Variants in TAS1R2 observed in about 807,000 individuals in gnomAD.
The protein encoded by TAS1R2 is taste receptor type 1 member 2.
TAS1R2 carries 47 observed loss-of-function variants against 49.3 expected under a neutral mutation model. The observed-to-expected ratio is 0.95, with a 90% confidence interval of 0.75 to 1.22. The LOEUF (loss-of-function observed/expected upper bound fraction) is 1.22, where lower values mean the gene tolerates loss of function less well. TAS1R2 is among the 50% of genes most tolerant of loss of function. The pLI is 0.00. For synonymous variants in TAS1R2, 479 were observed against 467.9 expected, an observed-to-expected ratio of 1.02 and a Z score of -0.31; for missense variants, 1,155 against 1,122.1, an observed-to-expected ratio of 1.03 and a Z score of -0.42.
intron 1 of TAS1R2, among the ~76,000 whole-genome samples, chr1:18,859,172 G>A (rs771725187): frequency 1.3e-5 from 2 of 152,198 alleles, no homozygotes; most frequent in Non-Finnish European, 2.9e-5. Context: ...GTGGGTGGGA[G>A]CAGTCTTGAT....
At chr1:18,843,888 C>T (rs1340430727) in intron 4 of TAS1R2, among the ~76,000 whole-genome samples, 1 of 152,210 alleles carries the variant, frequency 6.6e-6, no homozygotes, top group Admixed American at 6.5e-5. Context: ...GAAATGGTAT[C>T]CAAGAAGCGC....
chr1:18,859,472 G>C lies in TAS1R2; in HGVS notation c.182+7C>G. ...CTGCCACTTCCAGCCCCACACTGGA[G>C]ACTCACTCCTTGCACATGGGCACCT... On this transcript the variant is annotated splice_region_variant and intron_variant, in intron 1 of 5. Transcript: ENST00000375371. 6.2e-7 allele frequency: 1 copy of C among 1,613,978 alleles called. No homozygotes were observed. Among genetic ancestry groups the C allele is most frequent in the Non-Finnish European group, 8.5e-7 (1 of 1,179,882 alleles).
chr1:18,848,774 T>A (rs868206621), intron 4 of TAS1R2, among the ~76,000 whole-genome samples: 1 of 152,214 alleles, frequency 6.6e-6, no homozygotes, highest in African/African-American at 2.4e-5. Context: ...TAATGTCTGA[T>A]GATCTGTTAC....
chr1:18,840,601 G>A, intron 5 of TAS1R2, 74 bp from the exon 6 acceptor site: 1 of 1,529,866 alleles, frequency 6.5e-7, no homozygotes, highest in Non-Finnish European at 9.0e-7. Flanking sequence ...CCCTGCACAG[G>A]GCCAGGCTCC....
rs753512335 is a variant in TAS1R2, at chr1:18,854,573, G to T, written c.897C>A (p.Ile299=). The change falls in exon 3 of 6, where the codon ATC becomes ATA. Residue 299 remains isoleucine, a synonymous_variant. Transcript: ENST00000375371. This position sits in a 1 kb window ranked among gnomAD's most constrained non-coding sequence, Gnocchi z 4.9. ...GGTCGATGGCCCAGGACTCGGAGGC[G>T]ATCCACACGGCGCCAGTGAAGTTCT... 6.2e-6 allele frequency: 10 copies of T among 1,613,906 alleles called. No individual in the cohort carries two copies. The East Asian group carries it at 2.2e-4, about 36-fold the overall frequency.
exon 5 of TAS1R2, chr1:18,841,830 T>C: frequency 6.2e-7 from 1 of 1,612,218 alleles, no homozygotes; most frequent in Non-Finnish European, 8.5e-7. Flanking sequence ...CTGGCACCTC[T>C]TGGAACACAT....
chr1:18,859,619 G>A (rs750642439), exon 1 of TAS1R2: 15 of 1,614,130 alleles, frequency 9.3e-6, no homozygotes, highest in Non-Finnish European at 1.3e-5. Context: ...GGACCCATAG[G>A]AGGAAGAACA....
In TAS1R2 at chr1:18,849,558, G is replaced by T; in HGVS notation, c.1258-8C>A. On this transcript the variant is annotated splice_polypyrimidine_tract_variant and splice_region_variant and intron_variant, in intron 3 of 5. Transcript: ENST00000375371. ...CCAGATCTCCTCAAGCAGCTGGCGG[G>T]GTCAGAGGGAAGGGAAGTGGAGCTA... The T allele has an allele frequency of 6.2e-7, 1 of 1,613,892 alleles. No homozygotes were observed. The highest frequency in any genetic ancestry group is 8.5e-7 in the Non-Finnish European group (1 of 1,179,870).
At chr1:18,845,678 C>A (rs181433328) in intron 4 of TAS1R2, among the ~76,000 whole-genome samples, 68 of 152,308 alleles carry the variant, frequency 4.5e-4, no homozygotes, top group African/African-American at 1.6e-3. Flanking sequence ...GTGGTTGCTA[C>A]ACAAGTGGAG....
chr1:18,843,022 A>T (rs1933855552), intron 4 of TAS1R2, among the ~76,000 whole-genome samples: 1 of 152,212 alleles, frequency 6.6e-6, no homozygotes, highest in Admixed American at 6.5e-5. Flanking sequence ...TTAAGAGGGA[A>T]ATTTATTATT....
chr1:18,849,842 A>C (rs142939636), intron 3 of TAS1R2, among the ~76,000 whole-genome samples: 95 of 152,290 alleles, frequency 6.2e-4, no homozygotes, highest in Middle Eastern at 3.4e-3. Flanking sequence ...GGAGCAATAA[A>C]AACTCTATCT....
chr1:18,854,098 A>T lies in TAS1R2; in HGVS notation c.1257+115T>A. Reference sequence around the variant, plus strand: ...TTTTGTTTTGGCACCAGGAAGGACTAGTGCTATGTGTCTGGAAGAATGGGA... The same window carrying T: ...TTTTGTTTTGGCACCAGGAAGGACTTGTGCTATGTGTCTGGAAGAATGGGA... On this transcript the variant is annotated intron_variant, in intron 3 of 5. Transcript: ENST00000375371. The surrounding 1 kb of genome is among the most constrained non-coding windows in gnomAD (Gnocchi z 4.9). 1 of 1,002,658 alleles carries T rather than the reference A, an allele frequency of 1.0e-6. No individual in the cohort carries two copies. The highest frequency in any genetic ancestry group is 1.4e-6 in the Non-Finnish European group (1 of 691,762). The allele number at this position is 1,002,658 out of a possible 1,614,324, so 62.1% of individuals were successfully genotyped here.
chr1:18,854,415 C>T lies in TAS1R2; in HGVS notation c.1055G>A (p.Arg352Lys), dbSNP rs756345980. Residue 352 changes from arginine (R) to lysine (K), a missense_variant, in exon 3 of 6, where the codon AGG (arginine) becomes AAG (lysine). Arg to Lys is a conservative substitution (Grantham distance 26). Coordinates refer to ENST00000375371, the Ensembl canonical transcript of TAS1R2. This position sits in a 1 kb window ranked among gnomAD's most constrained non-coding sequence, Gnocchi z 4.9. ...GTTGCAGGTATAGCTCTGGCTGGTC[C>T]TGCTGAGGGGTGGCGGCCCAGCCTG... 9 of 1,613,914 alleles carry T rather than the reference C, an allele frequency of 5.6e-6. No homozygotes were observed. The highest frequency in any genetic ancestry group is 2.7e-5 in the African/African-American group (2 of 74,940).
At chr1:18,840,387 G>A (rs1933800048) in exon 6 of TAS1R2, 2 of 1,614,050 alleles carry the variant, frequency 1.2e-6, no homozygotes, top group African/African-American at 1.3e-5. Flanking sequence ...AGGGTGCTGA[G>A]GAAGCCCAGG....
intron 2 of TAS1R2, 121 bp from the exon 3 acceptor site, chr1:18,855,107 T>A: frequency 8.0e-7 from 1 of 1,245,296 alleles, no homozygotes; most frequent in East Asian, 2.5e-5. Context: ...CAGGGGTAGG[T>A]GGTTTACACC....
At chr1:18,850,603 G>C (rs1934003418) in intron 3 of TAS1R2, among the ~76,000 whole-genome samples, 1 of 152,276 alleles carries the variant, frequency 6.6e-6, no homozygotes, top group African/African-American at 2.4e-5. Flanking sequence ...GGTCCTGGGT[G>C]CCCATGTTGC....
chr1:18,855,549 C>T (rs1934124956), intron 2 of TAS1R2, among the ~76,000 whole-genome samples: 2 of 152,156 alleles, frequency 1.3e-5, no homozygotes. Context: ...GGCCTCAGTC[C>T]CTGCCTTTTC....
chr1:18,842,234 G>A (rs545978374), intron 4 of TAS1R2, among the ~76,000 whole-genome samples: 3 of 152,242 alleles, frequency 2.0e-5, no homozygotes, highest in East Asian at 1.9e-4. Context: ...GAAGGTCACA[G>A]TTCTGGGGCA....
At chr1:18,859,060 T>C (rs1934192770) in intron 1 of TAS1R2, among the ~76,000 whole-genome samples, 2 of 152,118 alleles carry the variant, frequency 1.3e-5, no homozygotes, top group African/African-American at 2.4e-5. Context: ...AAAGCACCCC[T>C]ACCCACCACA....
Sources: allele counts gnomAD v4.1 joint callset (sites outside exome capture counted in the v4.1 genomes callset), GRCh38; gene constraint gnomAD v4.1.1; non-coding constraint Gnocchi (gnomAD v3.1); transcripts MANE v1.5; gene names NCBI Gene and HGNC (gene_info 2026-07-23, HGNC 2026-07-21).